SLC9A7: variants seen among roughly 807,000 people sequenced by gnomAD.
SLC9A7 encodes the protein sodium/hydrogen exchanger 7.
SLC9A7 carries 19 observed loss-of-function variants against 52.6 expected under a neutral mutation model. The ratio of observed to expected loss-of-function variants is 0.36; its 90% CI spans 0.25 to 0.53. The LOEUF is 0.53. SLC9A7 is among the 20% of genes least tolerant of loss of function. The pLI is 0.91. For missense variants in SLC9A7, 455 were observed against 597.9 expected (o/e 0.76, Z 2.49); for synonymous variants, 226 against 252.1 (o/e 0.90, Z 0.98).
chrX:46,755,606 G>A (rs781946389), intron 1 of SLC9A7, among the ~76,000 whole-genome samples: 1 of 110,383 alleles, frequency 9.1e-6, no homozygotes, highest in South Asian at 3.9e-4. Flanking sequence ...TGAGGTGGGT[G>A]GAGGTCAGGA....
At chrX:46,755,333 G>A in intron 1 of SLC9A7, among the ~76,000 whole-genome samples, 1 of 109,315 alleles carries the variant, frequency 9.1e-6, no homozygotes, top group Non-Finnish European at 1.9e-5. Flanking sequence ...GTGGGAAAGA[G>A]AGGGTGAGAG....
intron 5 of SLC9A7, among the ~76,000 whole-genome samples, chrX:46,666,891 C>T (rs1943930713): frequency 8.9e-6 from 1 of 112,264 alleles, no homozygotes; most frequent in Non-Finnish European, 1.9e-5. Flanking sequence ...ATACCTTTCT[C>T]AGACTTATGA....
intron 8 of SLC9A7, among the ~76,000 whole-genome samples, chrX:46,652,115 G>C (rs1943592721): frequency 1.8e-5 from 2 of 111,451 alleles, no homozygotes; most frequent in South Asian, 7.5e-4. Context: ...TTTTTAGAAT[G>C]AATGAACTGA....
intron 7 of SLC9A7, among the ~76,000 whole-genome samples, chrX:46,656,771 G>T (rs1355155800): frequency 9.0e-6 from 1 of 111,315 alleles, no homozygotes; most frequent in Non-Finnish European, 1.9e-5. Flanking sequence ...GTGACAGGGA[G>T]AATGGAACCA....
chrX:46,631,742 A>G (rs1397107971), intron 13 of SLC9A7, 93 bp from the exon 14 acceptor site: 1 of 659,736 alleles, frequency 1.5e-6, no homozygotes, highest in African/African-American at 2.2e-5. Flanking sequence ...CCTGGAGGCT[A>G]ATCATCTTCC....
In SLC9A7 at chrX:46,602,029, T is replaced by C. The variant is rs752221136; in HGVS notation, c.*4923A>G. The C allele has an allele frequency of 9.6e-6, 1 of 104,584 alleles. No homozygotes were observed. The highest frequency in any genetic ancestry group is 2.9e-4 in the East Asian group (1 of 3,397). The allele number at this position is 104,584 out of a possible 1,213,427, so 8.6% of individuals were successfully genotyped here. The stretch of plus-strand genomic sequence containing the variant: ...GAAAATCTGACTCCAGAGGGGACTA[T>C]TAATTTAATTCCAGGTGAAATTAAA... On this transcript the variant is annotated 3_prime_UTR_variant, in exon 17 of 17. Coordinates refer to ENST00000616978, the MANE Select transcript of SLC9A7 (RefSeq NM_001257291.2).
chrX:46,715,768 A>T (rs752295503), intron 1 of SLC9A7, among the ~76,000 whole-genome samples: 14 of 111,857 alleles, frequency 1.3e-4, no homozygotes, highest in African/African-American at 4.5e-4. Context: ...TATTCAATAA[A>T]TTATGAGCTA....
At position 46,639,254 on chromosome X, in the gene SLC9A7, T is replaced by A. The variant is rs1195754577; in HGVS notation, c.1617-3606A>T. The stretch of plus-strand genomic sequence containing the variant: ...AAAAACCCTATAGCTAATATTATAG[T>A]TAATAAGGCAAGACCGAATGCTTTC... On this transcript the variant is annotated intron_variant, in intron 12 of 16. Coordinates refer to ENST00000616978, the MANE Select transcript of SLC9A7 (RefSeq NM_001257291.2). Among the ~76,000 whole-genome samples the A allele has an allele frequency of 2.7e-5, 3 of 109,995 alleles. No individual in the cohort carries two copies. In the Admixed American group the frequency reaches 2.9e-4, roughly 11 times the overall value.
intron 5 of SLC9A7, among the ~76,000 whole-genome samples, chrX:46,669,160 T>C (rs1339212628): frequency 2.4e-5 from 2 of 83,261 alleles, no homozygotes; most frequent in African/African-American, 8.6e-5. Flanking sequence ...AGAGCAAGAC[T>C]CTGTCTCAAA....
intron 1 of SLC9A7, among the ~76,000 whole-genome samples, chrX:46,723,633 T>C (rs1476690270): frequency 9.0e-6 from 1 of 111,312 alleles, no homozygotes; most frequent in Admixed American, 9.6e-5. Flanking sequence ...CCTAAAACCA[T>C]AGCATAGGAC....
At chrX:46,629,792 C>T (rs1943192827) in intron 14 of SLC9A7, among the ~76,000 whole-genome samples, 1 of 111,867 alleles carries the variant, frequency 8.9e-6, no homozygotes, top group Non-Finnish European at 1.9e-5. Context: ...GGACGGCCAT[C>T]ATGTTTTCCC....
Position 46,605,664 on chromosome X carries a change from A to G in SLC9A7, c.*1288T>C, listed in dbSNP as rs1356996870. ...CCTAGTCTTGAGACTACTATCTTGT[A>G]TTTCTTTGCAGTAATTTTTTTGCAT... On this transcript the variant is annotated 3_prime_UTR_variant, in exon 17 of 17. Transcript: ENST00000616978. 3.6e-5 allele frequency: 4 copies of G among 111,832 alleles called. No individual in the cohort carries two copies. Among genetic ancestry groups the G allele is most frequent in the Non-Finnish European group, 7.5e-5 (4 of 53,206 alleles). 9.2% of individuals were successfully genotyped at this position (111,832 alleles called of 1,213,427 possible).
intron 14 of SLC9A7, among the ~76,000 whole-genome samples, chrX:46,629,194 G>A (rs989874660): frequency 9.0e-6 from 1 of 111,536 alleles, no homozygotes; most frequent in African/African-American, 3.3e-5. Flanking sequence ...CATTAGGAGT[G>A]CAGCGCGAGT....
At chrX:46,687,889 T>C (rs1346556660) in intron 1 of SLC9A7, among the ~76,000 whole-genome samples, 5 of 112,211 alleles carry the variant, frequency 4.5e-5, no homozygotes, top group East Asian at 2.8e-4. Context: ...TTCTGTACTA[T>C]AGATTTGCCG....
Position 46,606,834 on chromosome X carries a change from A to G in SLC9A7, c.*118T>C. 1 of 1,157,126 alleles carries G rather than the reference A, an allele frequency of 8.6e-7. No homozygotes were observed. Among genetic ancestry groups the G allele is most frequent in the Non-Finnish European group, 1.2e-6 (1 of 868,150 alleles). ...AGTGTTACAATAGCTTCAGACCCCA[A>G]TAAAATAGAAGAGTTAGTTCAATCT... On this transcript the variant is annotated 3_prime_UTR_variant, in exon 17 of 17. Coordinates refer to ENST00000616978, the MANE Select transcript of SLC9A7 (RefSeq NM_001257291.2).
Position 46,662,007 on chromosome X carries a change from A to G in SLC9A7, c.1041+9T>C. On this transcript the variant is annotated intron_variant, in intron 7 of 16. Transcript: ENST00000616978. Reference sequence around the variant, plus strand: ...ACCCAGGCCCGAGCTGAAACTACAAAAAGGATATTAGAGCAGTCACAACAC... The same window carrying G: ...ACCCAGGCCCGAGCTGAAACTACAAGAAGGATATTAGAGCAGTCACAACAC... 1 of 1,182,649 alleles carries G rather than the reference A, an allele frequency of 8.5e-7. No homozygotes were observed. The highest frequency in any genetic ancestry group is 3.1e-5 in the East Asian group (1 of 32,214).
At chrX:46,698,311 C>T (rs1458411933) in intron 1 of SLC9A7, among the ~76,000 whole-genome samples, 2 of 111,304 alleles carry the variant, frequency 1.8e-5, no homozygotes, top group Admixed American at 9.6e-5. Context: ...CCTACCGACA[C>T]GTGATGTCTC....
chrX:46,654,978 CTTTCTT>C (rs1309626864), intron 7 of SLC9A7, among the ~76,000 whole-genome samples: 2 of 96,432 alleles, frequency 2.1e-5, no homozygotes, highest in African/African-American at 7.5e-5. Context: ...TTCTTTCTTT[CTTTCTT>C]TTTTTTTTTT....
chrX:46,686,521 C>T (rs1261913993), intron 1 of SLC9A7, among the ~76,000 whole-genome samples: 1 of 111,853 alleles, frequency 8.9e-6, no homozygotes, highest in African/African-American at 3.3e-5. Flanking sequence ...AAAACATGAA[C>T]AGCATATTTT....
Sources: allele counts gnomAD v4.1 joint callset (sites outside exome capture counted in the v4.1 genomes callset), GRCh38; gene constraint gnomAD v4.1.1; transcripts MANE v1.5; gene names NCBI Gene and HGNC (gene_info 2026-07-23, HGNC 2026-07-21).